MCM9: variants seen among roughly 807,000 people sequenced by gnomAD.
The protein encoded by MCM9 is minichromosome maintenance 9 homologous recombination repair factor, also known as DNA helicase MCM9.
Under a neutral mutation model 72.8 loss-of-function variants are expected in MCM9, and 55 were observed. The ratio of observed to expected loss-of-function variants is 0.76; its 90% CI spans 0.61 to 0.95. The LOEUF is 0.95. MCM9 is among the 40% of genes least tolerant of loss of function. The probability of loss-of-function intolerance (pLI) is 0.00; values close to 1 mark genes in which losing one functional copy is unlikely to be tolerated. For missense variants in MCM9, 1,279 were observed against 1,377.0 expected (o/e 0.93, Z 1.13); for synonymous variants, 480 against 503.4 (o/e 0.95, Z 0.62).
chr6:118,919,442 C>T (rs545182029), intron 5 of MCM9: 4 of 152,132 alleles, frequency 2.6e-5, no homozygotes, highest in African/African-American at 7.2e-5. Flanking sequence ...GGATAATGTA[C>T]GTAAATTACT....
At chr6:118,873,954 C>T (rs778810423) in intron 8 of MCM9, among the ~76,000 whole-genome samples, 8 of 152,094 alleles carry the variant, frequency 5.3e-5, no homozygotes, top group Non-Finnish European at 1.0e-4. Flanking sequence ...GGTATAATCA[C>T]GTTAAAAAAA....
chr6:118,895,814 T>G (rs1266276825), intron 8 of MCM9, among the ~76,000 whole-genome samples: 1 of 152,150 alleles, frequency 6.6e-6, no homozygotes, highest in Non-Finnish European at 1.5e-5. Context: ...TGAAGATGAT[T>G]TAGGTAATCG....
Position 118,815,338 on chromosome 6 carries a change from T to A in MCM9, c.2918A>T (p.Lys973Met), listed in dbSNP as rs1330526959. 4 of 1,550,298 alleles carry A rather than the reference T, an allele frequency of 2.6e-6. No homozygotes were observed. Among genetic ancestry groups the A allele is most frequent in the Non-Finnish European group, 3.5e-6 (4 of 1,146,672 alleles). ...CTGGTTTCCTGGGGTAGATGTTAAC[T>A]TTCCTGGACGCTTCACCGGCAAGGC... ...DAALPVKRPG[K>M]LTSTPGNQIS... Residue 973 changes from lysine to methionine, a missense_variant, in exon 14 of 14, where the codon AAG (lysine) becomes ATG (methionine). Coordinates refer to ENST00000619706, the MANE Select transcript of MCM9 (RefSeq NM_017696.3).
intron 6 of MCM9, among the ~76,000 whole-genome samples, chr6:118,915,854 A>C (rs1439774434): frequency 6.6e-6 from 1 of 152,210 alleles, no homozygotes; most frequent in Non-Finnish European, 1.5e-5. Context: ...TATCCAATAA[A>C]TGGCTCATGC....
intron 8 of MCM9, among the ~76,000 whole-genome samples, chr6:118,903,126 C>T (rs1779918312): frequency 1.3e-5 from 2 of 152,006 alleles, no homozygotes; most frequent in Admixed American, 1.3e-4. Context: ...AAAACAGAAA[C>T]ATGCCTAGAA....
chr6:118,907,450 A>G (rs1295045226), intron 8 of MCM9: 2 of 1,612,054 alleles, frequency 1.2e-6, no homozygotes, highest in East Asian at 2.2e-5. Context: ...AAGATTCCAC[A>G]TTAATTGGGA....
intron 4 of MCM9, among the ~76,000 whole-genome samples, chr6:118,923,404 C>G (rs1220681564): frequency 6.6e-6 from 1 of 152,016 alleles, no homozygotes; most frequent in African/African-American, 2.4e-5. Flanking sequence ...CCTGCCTCAG[C>G]TTCCTGAGTA....
intron 8 of MCM9, among the ~76,000 whole-genome samples, chr6:118,864,570 T>G (rs1777100293): frequency 6.6e-6 from 1 of 151,764 alleles, no homozygotes; most frequent in Non-Finnish European, 1.5e-5. Flanking sequence ...CTAAGAAAAT[T>G]TCCACATCAA....
rs1773378868 is a variant in MCM9, at chr6:118,815,824, C to T, written c.2432G>A (p.Arg811Lys). The T allele has an allele frequency of 6.5e-7, 1 of 1,539,196 alleles. No individual in the cohort carries two copies. The highest frequency in any genetic ancestry group is 8.7e-7 in the Non-Finnish European group (1 of 1,147,044). Residue 811 changes from arginine to lysine, a missense_variant, in exon 14 of 14, where the codon AGG becomes AAG. Coordinates refer to ENST00000619706, the MANE Select transcript of MCM9 (RefSeq NM_017696.3). ...CTTGTTACTTTCCACATTGTCTGCC[C>T]TCCATGGAACACCTGTCTCTCCTGG... ...PSPGETGVPW[R>K]ADNVESNKKK...
Position 118,816,037 on chromosome 6 carries a change from T to A in MCM9, c.2219A>T (p.Asp740Val). 6.4e-7 allele frequency: 1 copy of A among 1,550,502 alleles called. No homozygotes were observed. Among genetic ancestry groups the A allele is most frequent in the Non-Finnish European group, 8.7e-7 (1 of 1,146,900 alleles). Residue 740 changes from aspartate (D) to valine (V), a missense_variant, in exon 14 of 14, where the codon GAC (aspartate) becomes GTC (valine). Asp to Val is a radical substitution (Grantham distance 152). Transcript: ENST00000619706. Reference protein sequence around the residue: ...HSAQHKNNRDDSLDWFDFMAT... With the variant: ...HSAQHKNNRDVSLDWFDFMAT... ...CATGAAATCAAACCAATCTAAACTG[T>A]CATCTCTGTTATTTTTGTGCTGAGC...
intron 9 of MCM9, among the ~76,000 whole-genome samples, chr6:118,835,372 T>C (rs1004236268): frequency 7.9e-5 from 12 of 152,204 alleles, no homozygotes; most frequent in Admixed American, 5.2e-4. Context: ...AATAGTTTTT[T>C]CTAATTCTGT....
rs1322635180 is a variant in MCM9, at chr6:118,828,098, T to C, written c.1561A>G (p.Met521Val). 6.4e-7 allele frequency: 1 copy of C among 1,550,576 alleles called. No individual in the cohort carries two copies. The highest frequency in any genetic ancestry group is 8.7e-7 in the Non-Finnish European group (1 of 1,146,998). ...YPSKSEKLWS[M>V]EKMKTYFCLI... ...CAGAAATAGGTTTTCATCTTTTCCA[T>C]GCTCCAGAGCTTCTCTGATTTGCTT... Residue 521 changes from methionine to valine, a missense_variant, in exon 11 of 14, where the codon ATG becomes GTG. By Grantham distance (21) the Met-to-Val change is conservative. Transcript: ENST00000619706.
At chr6:118,925,924 TA>T (rs1357525375) in intron 3 of MCM9, among the ~76,000 whole-genome samples, 1 of 151,808 alleles carries the variant, frequency 6.6e-6, no homozygotes, top group East Asian at 1.9e-4. Context: ...TATGAATACT[TA>T]AAAAAAAGCA....
intron 8 of MCM9, among the ~76,000 whole-genome samples, chr6:118,859,865 C>T (rs1305042076): frequency 6.6e-6 from 1 of 152,182 alleles, no homozygotes; most frequent in Non-Finnish European, 1.5e-5. Context: ...ACCTCCAACC[C>T]CTTCCAGTCA....
chr6:118,894,168 C>T, intron 8 of MCM9: 9 of 1,271,030 alleles, frequency 7.1e-6, no homozygotes, highest in Non-Finnish European at 9.0e-6. Flanking sequence ...CGGGTGCAGC[C>T]AATCGAGGGC....
rs149167363 is a variant in MCM9 at position 118,825,334 on chromosome 6, C to T, written c.1961+813G>A. ...TGGCTATTAACAGGATAATGCCCAT[C>T]CCCGCACTTCCCCAGGAAGGCTGTG... On this transcript the variant is annotated intron_variant, in intron 13 of 13. Transcript: ENST00000619706. 6.5e-3 allele frequency among the ~76,000 whole-genome samples: 984 copies of T among 152,296 alleles called. 8 individuals carry two copies. The highest frequency in any genetic ancestry group is 9.3e-3 in the Non-Finnish European group (636 of 68,030).
At chr6:118,832,919 G>A (rs1016836120) in intron 9 of MCM9, among the ~76,000 whole-genome samples, 3 of 152,230 alleles carry the variant, frequency 2.0e-5, no homozygotes, top group African/African-American at 4.8e-5. Flanking sequence ...TGGGAATAGA[G>A]CAAGATTGTA....
At chr6:118,852,993 T>C (rs1410805888) in intron 9 of MCM9, among the ~76,000 whole-genome samples, 1 of 152,238 alleles carries the variant, frequency 6.6e-6, no homozygotes, top group Non-Finnish European at 1.5e-5. Flanking sequence ...TTCCTTTATA[T>C]TGCTAGTAGT....
At chr6:118,884,537 T>C (rs1778482223) in intron 8 of MCM9, among the ~76,000 whole-genome samples, 1 of 151,794 alleles carries the variant, frequency 6.6e-6, no homozygotes, top group South Asian at 2.1e-4. Flanking sequence ...TTGAGACATA[T>C]AGAAGACAAA....
Sources: allele counts gnomAD v4.1 joint callset (sites outside exome capture counted in the v4.1 genomes callset), GRCh38; gene constraint gnomAD v4.1.1; transcripts MANE v1.5; gene names NCBI Gene and HGNC (gene_info 2026-07-23, HGNC 2026-07-21).